Variants in CTNNA3 observed in about 807,000 individuals in gnomAD.
The protein encoded by CTNNA3 is catenin alpha 3, also known as catenin alpha-3.
Under a neutral mutation model 95.7 loss-of-function variants are expected in CTNNA3, and 76 were observed. The observed-to-expected ratio is 0.79, with a 90% CI of 0.66 to 0.96. The LOEUF (loss-of-function observed/expected upper bound fraction) is 0.96, where lower values mean the gene tolerates loss of function less well. Among genes scored for constraint, CTNNA3 ranks in the 40% least tolerant of loss-of-function variants. CTNNA3 has a pLI of 0.00. For missense variants in CTNNA3, 1,191 were observed against 1,089.8 expected (o/e 1.09, Z -1.31); for synonymous variants, 431 against 374.4 (o/e 1.15, Z -1.74).
intron 5 of CTNNA3, among the ~76,000 whole-genome samples, chr10:67,353,806 G>A (rs1589205374): frequency 1.3e-5 from 2 of 151,922 alleles, no homozygotes; most frequent in African/African-American, 2.4e-5. Flanking sequence ...TGAATGTAAA[G>A]ATTTCCACAG....
chr10:66,057,614 T>G (rs552965872), intron 15 of CTNNA3, among the ~76,000 whole-genome samples: 100 of 152,228 alleles, frequency 6.6e-4, no homozygotes, highest in African/African-American at 2.1e-3. Flanking sequence ...GATTCAAGAC[T>G]ACATAAAGTA....
intron 3 of CTNNA3, among the ~76,000 whole-genome samples, chr10:67,579,002 T>A (rs1330532609): frequency 1.6e-5 from 1 of 62,678 alleles, no homozygotes; most frequent in African/African-American, 1.8e-4. Flanking sequence ...TAGTGATATA[T>A]ATATATATAT....
At position 66,969,908 on chromosome 10, in the gene CTNNA3, C is replaced by G. The variant is rs1221908248; in HGVS notation, c.1048-194384G>C. Among the ~76,000 whole-genome samples the G allele has an allele frequency of 2.0e-5, 3 of 152,158 alleles. No individual in the cohort carries two copies. The East Asian group carries it at 5.8e-4, about 29-fold the overall frequency. ...TATCAGAAACATCTTAGTGAAACAG[C>G]ATGAAAGTTTATGAACCTCAGGATT... On this transcript the variant is annotated intron_variant, in intron 7 of 17. Transcript: ENST00000433211.
intron 6 of CTNNA3, among the ~76,000 whole-genome samples, chr10:67,198,319 T>C (rs1394225363): frequency 6.6e-6 from 1 of 152,066 alleles, no homozygotes; most frequent in Admixed American, 6.6e-5. Flanking sequence ...AAAGCACTGG[T>C]GGAGGATAAA....
At chr10:66,730,166 C>T (rs922495466) in intron 9 of CTNNA3, among the ~76,000 whole-genome samples, 5 of 151,414 alleles carry the variant, frequency 3.3e-5, no homozygotes, top group African/African-American at 1.2e-4. Context: ...TTCATTGCAG[C>T]ATGAGTCACA....
intron 3 of CTNNA3, among the ~76,000 whole-genome samples, chr10:67,580,116 T>C (rs908556887): frequency 1.8e-4 from 27 of 152,362 alleles, no homozygotes; most frequent in African/African-American, 6.3e-4. Flanking sequence ...TTTTAACTCA[T>C]GAAGTCCTTG....
intron 15 of CTNNA3, among the ~76,000 whole-genome samples, chr10:66,051,187 T>C (rs1002175556): frequency 4.6e-5 from 7 of 152,158 alleles, no homozygotes; most frequent in Non-Finnish European, 8.8e-5. Context: ...GATTCTTATT[T>C]ATTACATTTA....
At chr10:67,568,392 G>A (rs1240980784) in intron 3 of CTNNA3, among the ~76,000 whole-genome samples, 2 of 151,436 alleles carry the variant, frequency 1.3e-5, no homozygotes, top group African/African-American at 2.4e-5. Context: ...ACAACAAATG[G>A]CATTATAGAA....
intron 13 of CTNNA3, among the ~76,000 whole-genome samples, chr10:66,114,911 A>G (rs1457986163): frequency 8.6e-5 from 13 of 151,966 alleles, no homozygotes; most frequent in Admixed American, 8.5e-4. Flanking sequence ...AGTAAAAGAA[A>G]ATATATCAAC....
chr10:66,213,582 G>A (rs1381883668), intron 13 of CTNNA3, among the ~76,000 whole-genome samples: 1 of 152,100 alleles, frequency 6.6e-6, no homozygotes, highest in Non-Finnish European at 1.5e-5. Flanking sequence ...AAGCTAATGA[G>A]AAGAAATATT....
chr10:66,627,425 C>T (rs1844976800), intron 9 of CTNNA3, among the ~76,000 whole-genome samples: 1 of 152,062 alleles, frequency 6.6e-6, no homozygotes, highest in African/African-American at 2.4e-5. Flanking sequence ...GAATCTTAGC[C>T]TTCTTTCATT....
chr10:67,705,243 A>G lies in CTNNA3; in HGVS notation c.-1-57729T>C, dbSNP rs568729419. 7.2e-3 allele frequency among the ~76,000 whole-genome samples: 1,092 copies of G among 152,266 alleles called. 15 individuals are homozygous for G. The highest frequency in any genetic ancestry group is 0.025 in the African/African-American group (1,042 of 41,534). The stretch of plus-strand genomic sequence containing the variant: ...GGCGATTCCTCAGGGATCTAGAACT[A>G]CAAATACCATTTGACCCAGCCATCC... On this transcript the variant is annotated intron_variant, in intron 1 of 17. Coordinates refer to the CTNNA3 transcript ENST00000684154.
At chr10:66,456,978 C>T (rs1215825960) in intron 11 of CTNNA3, among the ~76,000 whole-genome samples, 2 of 151,898 alleles carry the variant, frequency 1.3e-5, no homozygotes, top group Non-Finnish European at 2.9e-5. Context: ...CTGGTAGTCC[C>T]AGCTACTTGG....
chr10:67,176,723 T>A (rs567007669), intron 7 of CTNNA3, among the ~76,000 whole-genome samples: 50 of 152,260 alleles, frequency 3.3e-4, no homozygotes, highest in African/African-American at 1.1e-3. Flanking sequence ...ACTAATCACA[T>A]GAGTCCTAAA....
At chr10:67,547,619 T>C (rs1840885940) in intron 3 of CTNNA3, among the ~76,000 whole-genome samples, 1 of 152,198 alleles carries the variant, frequency 6.6e-6, no homozygotes, top group Non-Finnish European at 1.5e-5. Flanking sequence ...TAGGGCCCCA[T>C]TATAAAGTCT....
At chr10:66,091,113 T>C (rs1010386263) in intron 14 of CTNNA3, among the ~76,000 whole-genome samples, 2 of 151,904 alleles carry the variant, frequency 1.3e-5, no homozygotes, top group African/African-American at 4.8e-5. Flanking sequence ...TGTATACATG[T>C]TCAATTTTCA....
chr10:66,193,734 T>C (rs2086799233), intron 13 of CTNNA3, among the ~76,000 whole-genome samples: 1 of 152,168 alleles, frequency 6.6e-6, no homozygotes, highest in Non-Finnish European at 1.5e-5. Context: ...CTTCCTAGTA[T>C]GAAAGCACAA....
intron 15 of CTNNA3, among the ~76,000 whole-genome samples, chr10:66,016,463 C>G (rs1406602754): frequency 2.0e-5 from 3 of 152,164 alleles, no homozygotes; most frequent in Admixed American, 2.0e-4. Flanking sequence ...ATCTATCTAT[C>G]CCAGAGAAGA....
chr10:66,457,458 T>G (rs1010407374), intron 11 of CTNNA3, among the ~76,000 whole-genome samples: 2 of 152,110 alleles, frequency 1.3e-5, no homozygotes, highest in Admixed American at 6.6e-5. Flanking sequence ...TGTTGGGCAC[T>G]CTCTTGTTTA....
Sources: gnomAD v4.1 joint callset for allele counts (sites outside exome capture counted in the v4.1 genomes callset) on GRCh38, gnomAD v4.1.1 for gene constraint, MANE v1.5 for transcripts, NCBI Gene and HGNC (gene_info 2026-07-23, HGNC 2026-07-21) for gene names.